Variants in PLA2G10 observed in about 807,000 individuals in gnomAD.
PLA2G10 encodes group 10 secretory phospholipase A2.
Under a neutral mutation model 7.9 loss-of-function variants are expected in PLA2G10, and 9 were observed. The observed-to-expected ratio is 1.14, with a 90% confidence interval of 0.68 to 1.98. PLA2G10 has a LOEUF of 1.98. Ranked by LOEUF, PLA2G10 falls within the 30% of genes most tolerant of loss-of-function variation. The pLI, the probability that PLA2G10 is intolerant of heterozygous loss-of-function variation, is 0.00. For synonymous variants in PLA2G10, 19 were observed against 27.5 expected, an observed-to-expected ratio of 0.69 and a Z score of 0.97; for missense variants, 53 against 65.4, an observed-to-expected ratio of 0.81 and a Z score of 0.66.
chr16:14,674,704 AAAAAAG>A (rs1337468009), intron 3 of PLA2G10, among the ~76,000 whole-genome samples: 4 of 152,126 alleles, frequency 2.6e-5, no homozygotes, highest in African/African-American at 9.7e-5. Flanking sequence ...CATCTAAAAA[AAAAAAG>A]AAAAGAAGAA....
intron 3 of PLA2G10, among the ~76,000 whole-genome samples, chr16:14,685,989 CTTTTTT>C (rs147554543): frequency 1.2e-4 from 13 of 106,774 alleles, no homozygotes; most frequent in Non-Finnish European, 2.0e-4. Context: ...TTTCTTTACT[CTTTTTT>C]TTTTTTTTTT....
At chr16:14,678,479 C>G (rs1432012793) in intron 3 of PLA2G10, among the ~76,000 whole-genome samples, 1 of 152,168 alleles carries the variant, frequency 6.6e-6, no homozygotes, top group Non-Finnish European at 1.5e-5. Flanking sequence ...GGTTAAAATA[C>G]ATATCAAGGC....
intron 3 of PLA2G10, among the ~76,000 whole-genome samples, chr16:14,678,268 C>G (rs1960781579): frequency 6.6e-6 from 1 of 152,144 alleles, no homozygotes; most frequent in Admixed American, 6.5e-5. Flanking sequence ...CTCTTCCCCT[C>G]ACACCCTCAC....
chr16:14,677,910 AATGG>A (rs1246434396), intron 3 of PLA2G10, among the ~76,000 whole-genome samples: 3 of 151,366 alleles, frequency 2.0e-5, no homozygotes, highest in African/African-American at 7.3e-5. Flanking sequence ...TGGAAGAATG[AATGG>A]ATGGATGATG....
At chr16:14,678,415 G>C (rs1230161621) in intron 3 of PLA2G10, among the ~76,000 whole-genome samples, 1 of 152,140 alleles carries the variant, frequency 6.6e-6, no homozygotes, top group Non-Finnish European at 1.5e-5. Flanking sequence ...GCCACATCCA[G>C]CTTCCACCCT....
At chr16:14,685,186 A>G (rs1961017993) in intron 3 of PLA2G10, among the ~76,000 whole-genome samples, 1 of 152,094 alleles carries the variant, frequency 6.6e-6, no homozygotes, top group Non-Finnish European at 1.5e-5. Flanking sequence ...AGCCTGGCCA[A>G]CATGGTAAAA....
intron 3 of PLA2G10, among the ~76,000 whole-genome samples, chr16:14,686,691 G>C (rs1961076595): frequency 6.6e-6 from 1 of 151,950 alleles, no homozygotes; most frequent in Non-Finnish European, 1.5e-5. Flanking sequence ...GTAGAGACAG[G>C]GTTTCACCAT....
chr16:14,685,304 G>A (rs1022351675), intron 3 of PLA2G10, among the ~76,000 whole-genome samples: 8 of 151,422 alleles, frequency 5.3e-5, no homozygotes, highest in Admixed American at 2.0e-4. Context: ...CCCGGGAGGC[G>A]GAGGTTGCAG....
intron 3 of PLA2G10, among the ~76,000 whole-genome samples, chr16:14,680,587 T>C (rs1960863231): frequency 6.6e-6 from 1 of 152,090 alleles, no homozygotes; most frequent in Admixed American, 6.6e-5. Context: ...GTCTCAAATT[T>C]CTGGGCTCAA....
chr16:14,678,155 C>T (rs935354612), intron 3 of PLA2G10, among the ~76,000 whole-genome samples: 5 of 152,162 alleles, frequency 3.3e-5, no homozygotes, highest in Non-Finnish European at 7.3e-5. Context: ...AGCTTCCTGG[C>T]TATAGCCCCA....
intron 3 of PLA2G10, among the ~76,000 whole-genome samples, chr16:14,684,535 G>A (rs1471133588): frequency 4.6e-5 from 7 of 151,768 alleles, no homozygotes; most frequent in South Asian, 2.1e-4. Context: ...GCGTGGTGGC[G>A]GGCACCTGAA....
intron 3 of PLA2G10, among the ~76,000 whole-genome samples, chr16:14,679,906 C>T (rs1277291200): frequency 6.6e-6 from 1 of 151,926 alleles, no homozygotes; most frequent in Non-Finnish European, 1.5e-5. Flanking sequence ...CTTCTGCATT[C>T]CCAGCAACCA....
intron 3 of PLA2G10, among the ~76,000 whole-genome samples, chr16:14,685,354 A>T (rs1175158080): frequency 6.6e-6 from 1 of 151,064 alleles, no homozygotes; most frequent in South Asian, 2.1e-4. Flanking sequence ...CCTGGGTGAC[A>T]GGTGAGATTT....
chr16:14,687,757 G>A (rs1249885817), intron 3 of PLA2G10, among the ~76,000 whole-genome samples: 1 of 151,756 alleles, frequency 6.6e-6, no homozygotes, highest in Non-Finnish European at 1.5e-5. Flanking sequence ...AGCACTTTGG[G>A]AGGCCGAGGC....
In PLA2G10 at chr16:14,685,355, G is replaced by GA. The variant is rs1482843794; in HGVS notation, c.355+2809_355+2810insT. Among the ~76,000 whole-genome samples the GA allele has an allele frequency of 1.0e-3, 157 of 150,826 alleles. 1 individual carries two copies. Among genetic ancestry groups the GA allele is most frequent in the African/African-American group, 3.5e-3 (143 of 41,052 alleles). On this transcript the variant is annotated intron_variant, in intron 3 of 3. Transcript: ENST00000438167. ...CCACTGCACTCCAGCCTGGGTGACA[G>GA]GTGAGATTTCGTGTCAAAAAAAAAA...
At chr16:14,679,476 A>G (rs865884648) in intron 3 of PLA2G10, among the ~76,000 whole-genome samples, 32 of 152,078 alleles carry the variant, frequency 2.1e-4, no homozygotes, top group African/African-American at 7.5e-4. Flanking sequence ...CCTGGCCAAC[A>G]TAGAGAAAAC....
intron 3 of PLA2G10, among the ~76,000 whole-genome samples, chr16:14,679,031 T>C (rs1449760034): frequency 6.6e-6 from 1 of 152,074 alleles, no homozygotes; most frequent in South Asian, 2.1e-4. Flanking sequence ...CTGTCTCCTC[T>C]GTTCCTCAGG....
chr16:14,678,484 C>G (rs1482313940), intron 3 of PLA2G10, among the ~76,000 whole-genome samples: 1 of 152,146 alleles, frequency 6.6e-6, no homozygotes, highest in Non-Finnish European at 1.5e-5. Flanking sequence ...AAATACATAT[C>G]AAGGCCGAGT....
rs1457729663 is a variant in PLA2G10, at chr16:14,686,110, C to A, written c.355+2055G>T. 3.3e-5 allele frequency among the ~76,000 whole-genome samples: 5 copies of A among 150,232 alleles called. No homozygotes were observed. The East Asian group carries it at 9.8e-4, about 29-fold the overall frequency. On this transcript the variant is annotated intron_variant, in intron 3 of 3. Coordinates refer to ENST00000438167, the MANE Select transcript of PLA2G10 (RefSeq NM_003561.3). ...CTGGGCTTAGGTGATCCTCCTTCCTCAGCCTCCCAAGTAGCTGAGACTGCA... is the reference window on the plus strand; with the variant it reads ...CTGGGCTTAGGTGATCCTCCTTCCTAAGCCTCCCAAGTAGCTGAGACTGCA...
Sources: allele counts gnomAD v4.1 joint callset (sites outside exome capture counted in the v4.1 genomes callset), GRCh38; gene constraint gnomAD v4.1.1; transcripts MANE v1.5; gene names NCBI Gene and HGNC (gene_info 2026-07-23, HGNC 2026-07-21).